SCIMP: variants seen among roughly 807,000 people sequenced by gnomAD.
SCIMP encodes the protein SLP adaptor and CSK interacting membrane protein.
A neutral mutation model predicts 22.0 loss-of-function variants in SCIMP; 18 were observed. The observed-to-expected ratio is 0.82, with a 90% confidence interval of 0.56 to 1.21. The LOEUF is 1.21. SCIMP is among the 50% of genes most tolerant of loss of function. The pLI is 0.00. For synonymous variants in SCIMP, 53 were observed against 62.2 expected, an observed-to-expected ratio of 0.85 and a Z score of 0.70; for missense variants, 155 against 171.2, an observed-to-expected ratio of 0.91 and a Z score of 0.53.
intron 3 of SCIMP, among the ~76,000 whole-genome samples, chr17:5,217,236 G>A (rs1466062663): frequency 6.6e-6 from 1 of 152,158 alleles, no homozygotes; most frequent in Non-Finnish European, 1.5e-5. Flanking sequence ...AGAAAAAGGG[G>A]TCTACTCGGT....
At chr17:5,218,036 T>C (rs2144317063) in intron 3 of SCIMP, among the ~76,000 whole-genome samples, 3 of 152,256 alleles carry the variant, frequency 2.0e-5, no homozygotes, top group Admixed American at 2.0e-4. Context: ...CCAACATTTT[T>C]TTTTTTTGAG....
intron 3 of SCIMP, among the ~76,000 whole-genome samples, chr17:5,220,628 C>T (rs974309153): frequency 4.6e-5 from 7 of 151,882 alleles, no homozygotes; most frequent in Non-Finnish European, 1.0e-4. Context: ...CCTGTAATCT[C>T]AGCTACTTGG....
At chr17:5,232,647 G>C (rs1426694718) in intron 1 of SCIMP, among the ~76,000 whole-genome samples, 2 of 152,060 alleles carry the variant, frequency 1.3e-5, no homozygotes, top group African/African-American at 4.8e-5. Context: ...TCTTGCCCCA[G>C]TTCACCTCTA....
At chr17:5,224,141 GT>G (rs906031511) in intron 1 of SCIMP, among the ~76,000 whole-genome samples, 3 of 151,950 alleles carry the variant, frequency 2.0e-5, no homozygotes, top group East Asian at 1.9e-4. Flanking sequence ...CTGCAGGGTT[GT>G]TTTTTTTCTT....
intron 1 of SCIMP, among the ~76,000 whole-genome samples, chr17:5,226,980 G>T (rs558415291): frequency 3.9e-5 from 6 of 152,052 alleles, no homozygotes; most frequent in African/African-American, 1.4e-4. Flanking sequence ...GGATGATAGA[G>T]AGTACAGAAA....
intron 1 of SCIMP, among the ~76,000 whole-genome samples, chr17:5,231,360 C>CAA (rs1463715215): frequency 8.6e-5 from 10 of 116,414 alleles, no homozygotes; most frequent in African/African-American, 2.5e-4. Flanking sequence ...AACTCCATCT[C>CAA]AAAAAAAAAA....
intron 4 of SCIMP, 107 bp from the exon 5 acceptor site, chr17:5,211,062 T>A: frequency 6.8e-7 from 1 of 1,463,438 alleles, no homozygotes; most frequent in Non-Finnish European, 9.1e-7. Flanking sequence ...TTCCCACTTC[T>A]AGTGGGCCAG....
In SCIMP at chr17:5,210,639, T is replaced by C; in HGVS notation, c.*162A>G. 2 of 879,620 alleles carry C rather than the reference T, an allele frequency of 2.3e-6. No homozygotes were observed. Among genetic ancestry groups the C allele is most frequent in the Non-Finnish European group, 3.3e-6 (2 of 600,196 alleles). The allele number at this position is 879,620 out of a possible 1,614,324, so 54.5% of individuals were successfully genotyped here. ...CTGCAGTCATCCGATCGCAGGGGTGTCTTCATCTAAGGTTTGGGAAGTGCT... is the reference window on the plus strand; with the variant it reads ...CTGCAGTCATCCGATCGCAGGGGTGCCTTCATCTAAGGTTTGGGAAGTGCT... On this transcript the variant is annotated 3_prime_UTR_variant, in exon 5 of 5. Transcript: ENST00000574081.
intron 3 of SCIMP, among the ~76,000 whole-genome samples, chr17:5,216,084 T>C (rs1011987657): frequency 3.9e-5 from 6 of 151,998 alleles, no homozygotes; most frequent in African/African-American, 1.4e-4. Flanking sequence ...ACACCTGTAG[T>C]CCCAGCTACT....
intron 3 of SCIMP, among the ~76,000 whole-genome samples, chr17:5,219,817 A>G (rs964358756): frequency 3.9e-5 from 6 of 152,150 alleles, no homozygotes; most frequent in African/African-American, 1.4e-4. Flanking sequence ...CCAGTAAAAG[A>G]AAAACTCTGT....
chr17:5,232,670 T>G (rs964599015), intron 1 of SCIMP, among the ~76,000 whole-genome samples: 3 of 152,066 alleles, frequency 2.0e-5, no homozygotes, highest in African/African-American at 7.2e-5. Flanking sequence ...TCCCCGACTG[T>G]TGCTGTTCAT....
At chr17:5,231,851 A>T (rs557392223) in intron 1 of SCIMP, among the ~76,000 whole-genome samples, 1 of 152,234 alleles carries the variant, frequency 6.6e-6, no homozygotes, top group East Asian at 1.9e-4. Flanking sequence ...TCAGGAGATC[A>T]AGACCATCCT....
In SCIMP at chr17:5,209,064, TG is replaced by T. The variant is rs2144295135; in HGVS notation, c.*1736del. 6.6e-6 allele frequency: 1 copy of T among 152,322 alleles called. No individual in the cohort carries two copies. The highest frequency in any genetic ancestry group is 2.1e-4 in the South Asian group (1 of 4,828). The allele number at this position is 152,322 out of a possible 1,614,324, so 9.4% of individuals were successfully genotyped here. ...TGGGAAGAGTCCTCTCTTTGGCTGG[TG>T]GGATACCAGAGTCCCATAAGGCCAT... On this transcript the variant is annotated 3_prime_UTR_variant, in exon 5 of 5. Transcript: ENST00000574081.
intron 1 of SCIMP, among the ~76,000 whole-genome samples, chr17:5,228,684 A>G (rs1427462388): frequency 6.6e-6 from 1 of 151,734 alleles, no homozygotes; most frequent in Non-Finnish European, 1.5e-5. Flanking sequence ...TTTTTCTTCC[A>G]ACTGAGCCTG....
At chr17:5,227,279 T>TAC (rs1222854111) in intron 1 of SCIMP, among the ~76,000 whole-genome samples, 3 of 110,442 alleles carry the variant, frequency 2.7e-5, no homozygotes, top group Admixed American at 8.9e-5. Context: ...TGTCTCTATA[T>TAC]ACACACACAC....
chr17:5,228,176 C>G (rs2585279), intron 1 of SCIMP, among the ~76,000 whole-genome samples: 1 of 151,334 alleles, frequency 6.6e-6, no homozygotes, highest in Admixed American at 6.6e-5. Flanking sequence ...CTTCTCCAAA[C>G]AAAATTTTAA....
chr17:5,230,776 A>G (rs1214350269), intron 1 of SCIMP, among the ~76,000 whole-genome samples: 1 of 152,028 alleles, frequency 6.6e-6, no homozygotes, highest in African/African-American at 2.4e-5. Context: ...AAAACAAAAC[A>G]AAACAAAACA....
At chr17:5,211,159 C>T (rs1347429361) in intron 4 of SCIMP, among the ~76,000 whole-genome samples, 1 of 152,200 alleles carries the variant, frequency 6.6e-6, no homozygotes, top group Non-Finnish European at 1.5e-5. Flanking sequence ...ATTAGTCAGA[C>T]ATCTTGACTC....
intron 4 of SCIMP, 60 bp from the exon 5 acceptor site, chr17:5,211,015 G>C: frequency 6.5e-7 from 1 of 1,550,180 alleles, no homozygotes; most frequent in Non-Finnish European, 8.7e-7. Context: ...TATTTTTGAA[G>C]GCAGTGGCTC....
Sources: allele counts gnomAD v4.1 joint callset (sites outside exome capture counted in the v4.1 genomes callset), GRCh38; gene constraint gnomAD v4.1.1; transcripts MANE v1.5; gene names NCBI Gene and HGNC (gene_info 2026-07-23, HGNC 2026-07-21).